Variants in TTC7A observed in about 807,000 individuals in gnomAD.
TTC7A encodes the protein tetratricopeptide repeat protein 7A.
In TTC7A, 110 loss-of-function variants were observed where a neutral mutation model predicts 103.7. The ratio of observed to expected loss-of-function variants is 1.06; its 90% CI spans 0.91 to 1.24. The LOEUF (loss-of-function observed/expected upper bound fraction) is 1.24, where lower values mean the gene tolerates loss of function less well. TTC7A is among the 50% of genes most tolerant of loss of function. The pLI, the probability that TTC7A is intolerant of heterozygous loss-of-function variation, is 0.00. For missense variants in TTC7A, 1,340 were observed against 1,116.3 expected (o/e 1.20, Z -2.86); for synonymous variants, 521 against 467.9 (o/e 1.11, Z -1.47).
At chr2:47,016,095 A>G (rs934917608) in intron 11 of TTC7A, among the ~76,000 whole-genome samples, 3 of 152,202 alleles carry the variant, frequency 2.0e-5, no homozygotes, top group African/African-American at 7.2e-5. Flanking sequence ...TTGAAATGGA[A>G]GGCAGTCCTG....
At position 47,074,186 on chromosome 2, in the gene TTC7A, A is replaced by G. The variant is rs1685032288; in HGVS notation, c.*263A>G. The stretch of plus-strand genomic sequence containing the variant: ...TTGTGGTGACCAGACTTGCTCCCCA[A>G]GAGCTGGGCAGCGGGGAGCCTCACA... On this transcript the variant is annotated 3_prime_UTR_variant, in exon 20 of 20. Transcript: ENST00000319190. The G allele has an allele frequency of 5.8e-6, 3 of 515,380 alleles. No individual in the cohort carries two copies. The highest frequency in any genetic ancestry group is 1.1e-5 in the Non-Finnish European group (3 of 285,528). The allele number at this position is 515,380 out of a possible 1,614,324, so 31.9% of individuals were successfully genotyped here. A position where few individuals can be genotyped will look rare whatever the true frequency, so the allele number is the denominator to read the frequency against.
intron 19 of TTC7A, among the ~76,000 whole-genome samples, chr2:47,070,458 G>A (rs1303483423): frequency 1.3e-5 from 2 of 152,232 alleles, no homozygotes; most frequent in East Asian, 3.9e-4. Flanking sequence ...TACATCCTGA[G>A]CTCTGAGCCT....
intron 6 of TTC7A, 70 bp downstream of exon 6, chr2:46,993,598 G>T (rs1206502762): frequency 1.2e-5 from 17 of 1,468,100 alleles, no homozygotes; most frequent in Non-Finnish European, 1.4e-5. Context: ...AGAAGTCCTT[G>T]CAGGGAGCCT....
intron 2 of TTC7A, among the ~76,000 whole-genome samples, chr2:46,935,154 G>A (rs565194241): frequency 3.3e-5 from 5 of 152,062 alleles, no homozygotes; most frequent in East Asian, 1.9e-4. Flanking sequence ...CCTGAGAAGC[G>A]TTGGTCACTA....
chr2:47,061,692 A>T (rs1281021299), intron 19 of TTC7A, among the ~76,000 whole-genome samples: 1 of 152,164 alleles, frequency 6.6e-6, no homozygotes, highest in East Asian at 1.9e-4. Flanking sequence ...AGTTTTAATT[A>T]TCTGTCCGGT....
intron 15 of TTC7A, among the ~76,000 whole-genome samples, chr2:47,031,021 C>T (rs184741720): frequency 6.6e-6 from 1 of 152,232 alleles, no homozygotes; most frequent in East Asian, 1.9e-4. Flanking sequence ...ATGGCAGGTG[C>T]CTGTAATCCC....
rs761321183 is a variant in TTC7A, at chr2:47,021,890, T to C, written c.1421T>C (p.Met474Thr). The change falls in exon 12 of 20, where the codon ATG becomes ACG. Residue 474 changes from methionine to threonine, a missense_variant. Transcript: ENST00000319190. Reference protein sequence around the residue: ...WLEEAEHFAMMVISLGEEAGE... With the variant: ...WLEEAEHFAMTVISLGEEAGE... ...GAGGAAGCAGAGCACTTTGCCATGA[T>C]GGTGATCAGCCTCGGAGAGGAAGCC... The C allele has an allele frequency of 3.1e-6, 5 of 1,614,180 alleles. No homozygotes were observed. The East Asian group carries it at 6.7e-5, about 22-fold the overall frequency.
At chr2:46,982,544 C>A (rs1674576715) in intron 5 of TTC7A, among the ~76,000 whole-genome samples, 1 of 152,188 alleles carries the variant, frequency 6.6e-6, no homozygotes, top group Non-Finnish European at 1.5e-5. Context: ...TGGGCAAGTC[C>A]CTTGAGCTCT....
chr2:47,072,791 G>A (rs1393405631), intron 19 of TTC7A, among the ~76,000 whole-genome samples: 1 of 119,892 alleles, frequency 8.3e-6, no homozygotes, highest in Non-Finnish European at 1.7e-5. Context: ...AACCTTTGTG[G>A]GACCTGAGGC....
At chr2:47,056,442 G>C (rs552439635) in intron 18 of TTC7A, among the ~76,000 whole-genome samples, 1 of 152,208 alleles carries the variant, frequency 6.6e-6, no homozygotes, top group Non-Finnish European at 1.5e-5. Flanking sequence ...AGGCCTTGGG[G>C]GTGGGCCCAG....
At chr2:46,970,013 A>G (rs934318950) in intron 3 of TTC7A, among the ~76,000 whole-genome samples, 4 of 151,994 alleles carry the variant, frequency 2.6e-5, no homozygotes, top group Non-Finnish European at 5.9e-5. Context: ...TTAAATTGAA[A>G]TGGGTCTTGT....
At chr2:46,923,779 C>A (rs1351463836) in intron 2 of TTC7A, among the ~76,000 whole-genome samples, 1 of 152,010 alleles carries the variant, frequency 6.6e-6, no homozygotes, top group Admixed American at 6.6e-5. Flanking sequence ...GTCCACCAGG[C>A]TGGAGTGCAA....
chr2:47,071,757 C>A (rs1684745092), intron 19 of TTC7A, among the ~76,000 whole-genome samples: 1 of 152,214 alleles, frequency 6.6e-6, no homozygotes, highest in Non-Finnish European at 1.5e-5. Flanking sequence ...CACACACCAG[C>A]CTGCAGACAC....
In TTC7A at chr2:47,075,589, C is replaced by T. The variant is rs936635189; in HGVS notation, c.*1666C>T. ...TGAAGCAGCATGTATATTCACTGGG[C>T]ATGTAGCTCCCACACCAGCCTTGAG... On this transcript the variant is annotated 3_prime_UTR_variant, in exon 20 of 20. Transcript: ENST00000319190. The T allele has an allele frequency of 6.6e-6, 1 of 152,208 alleles. No individual in the cohort carries two copies. Among genetic ancestry groups the T allele is most frequent in the Non-Finnish European group, 1.5e-5 (1 of 68,050 alleles). The allele number at this position is 152,208 out of a possible 1,614,324, so 9.4% of individuals were successfully genotyped here.
intron 18 of TTC7A, among the ~76,000 whole-genome samples, chr2:47,055,594 T>C (rs1428560030): frequency 6.6e-6 from 1 of 152,086 alleles, no homozygotes. Flanking sequence ...TGATCCCAGG[T>C]CACGGCTCTG....
rs1681121009 is a variant in TTC7A at position 47,036,510 on chromosome 2, G to C, written c.1802+7126G>C. Among the ~76,000 whole-genome samples the C allele has an allele frequency of 2.0e-5, 3 of 152,304 alleles. No homozygotes were observed. In the South Asian group the frequency reaches 6.2e-4, roughly 32 times the overall value. On this transcript the variant is annotated intron_variant, in intron 15 of 19. Coordinates refer to ENST00000319190, the MANE Select transcript of TTC7A (RefSeq NM_020458.4). The stretch of plus-strand genomic sequence containing the variant: ...TGTGTTAGGGATTAGTCTCTGGGAA[G>C]GTAATAAAACTGGGGCTGACTGTGG...
chr2:46,929,777 T>C (rs1190561861), intron 2 of TTC7A, among the ~76,000 whole-genome samples: 1 of 152,230 alleles, frequency 6.6e-6, no homozygotes, highest in Non-Finnish European at 1.5e-5. Flanking sequence ...TCACTGCCCA[T>C]CTCTGGGCAT....
chr2:47,001,622 C>G (rs1447943983), intron 8 of TTC7A, among the ~76,000 whole-genome samples: 1 of 152,046 alleles, frequency 6.6e-6, no homozygotes. Context: ...TTTGGGAGGC[C>G]GAGGCGGGCG....
At chr2:47,072,612 GGCTCCAGGCACATAGAAGGCA>G (rs558898089) in intron 19 of TTC7A, among the ~76,000 whole-genome samples, 20 of 152,182 alleles carry the variant, frequency 1.3e-4, no homozygotes, top group Non-Finnish European at 2.6e-4. Flanking sequence ...CCGGAGAGGG[GGCTCCAGGCACATAGAAGGCA>G]GCTCCCCACC....
Sources: gnomAD v4.1 joint callset for allele counts (sites outside exome capture counted in the v4.1 genomes callset) on GRCh38, gnomAD v4.1.1 for gene constraint, MANE v1.5 for transcripts, NCBI Gene and HGNC (gene_info 2026-07-23, HGNC 2026-07-21) for gene names.